PID1: variants seen among roughly 807,000 people sequenced by gnomAD.
PID1 encodes the protein PTB-containing, cubilin and LRP1-interacting protein.
PID1 carries 10 observed loss-of-function variants against 19.1 expected under a neutral mutation model. That is an observed-to-expected ratio of 0.52 (90% CI 0.32 to 0.89). The LOEUF is 0.89. PID1 is among the 40% of genes least tolerant of loss of function. The probability of loss-of-function intolerance (pLI) is 0.03; values close to 1 mark genes in which losing one functional copy is unlikely to be tolerated. For synonymous variants in PID1, 130 were observed against 116.0 expected (o/e 1.12, Z -0.78); for missense variants, 248 against 285.3 (o/e 0.87, Z 0.94).
intron 2 of PID1, among the ~76,000 whole-genome samples, chr2:229,139,146 A>AAAGAAAGAAAGAAAGC (rs1293626727): frequency 2.8e-5 from 3 of 109,032 alleles, no homozygotes; most frequent in South Asian, 4.5e-4. Context: ...AGAAAGAAAG[A>AAAGAAAGAAAGAAAGC]AAGCAAGCGA....
chr2:229,244,104 T>C (rs766323534), intron 1 of PID1, among the ~76,000 whole-genome samples: 17 of 152,294 alleles, frequency 1.1e-4, no homozygotes, highest in African/African-American at 3.8e-4. Flanking sequence ...ACTAGCATTA[T>C]GTAAACAAAA....
chr2:229,258,217 C>A (rs1690356119), intron 1 of PID1, among the ~76,000 whole-genome samples: 1 of 152,140 alleles, frequency 6.6e-6, no homozygotes. Flanking sequence ...AGAAACAGGG[C>A]CATCCAGAAT....
chr2:229,130,730 A>G (rs189434720), intron 2 of PID1, among the ~76,000 whole-genome samples: 24 of 152,342 alleles, frequency 1.6e-4, no homozygotes, highest in Non-Finnish European at 2.8e-4. Flanking sequence ...GATACAAAGC[A>G]GATGCCCCCA....
intron 2 of PID1, among the ~76,000 whole-genome samples, chr2:229,144,803 TGAAA>T (rs1690092486): frequency 6.6e-6 from 1 of 152,070 alleles, no homozygotes; most frequent in Non-Finnish European, 1.5e-5. Flanking sequence ...GCAGAAGGGA[TGAAA>T]GAGACAGCTA....
intron 1 of PID1, among the ~76,000 whole-genome samples, chr2:229,193,327 A>G (rs753243023): frequency 6.6e-6 from 1 of 152,192 alleles, no homozygotes; most frequent in African/African-American, 2.4e-5. Context: ...GACTTTGTTC[A>G]TGGTGGCTCA....
chr2:229,172,627 C>G (rs1376512650), intron 1 of PID1, among the ~76,000 whole-genome samples: 4 of 152,176 alleles, frequency 2.6e-5, no homozygotes, highest in Non-Finnish European at 5.9e-5. Flanking sequence ...CCCTAATGAT[C>G]TCATTGTAAT....
At chr2:229,209,955 A>G (rs1391342774) in intron 1 of PID1, among the ~76,000 whole-genome samples, 1 of 152,192 alleles carries the variant, frequency 6.6e-6, no homozygotes, top group Non-Finnish European at 1.5e-5. Context: ...ATTACCAAGG[A>G]AAATGAACAT....
intron 2 of PID1, among the ~76,000 whole-genome samples, chr2:229,074,337 A>C (rs978378122): frequency 1.3e-5 from 2 of 152,184 alleles, no homozygotes; most frequent in African/African-American, 4.8e-5. Flanking sequence ...AAAAGATAAT[A>C]ATAAAAGAAG....
At chr2:229,051,987 G>A (rs1028725149) in intron 2 of PID1, among the ~76,000 whole-genome samples, 1 of 152,172 alleles carries the variant, frequency 6.6e-6, no homozygotes, top group Non-Finnish European at 1.5e-5. Context: ...TTGGTCCCCA[G>A]CTCAACTGAA....
At chr2:229,167,175 T>C (rs951852287) in intron 1 of PID1, among the ~76,000 whole-genome samples, 2 of 152,122 alleles carry the variant, frequency 1.3e-5, no homozygotes, top group Non-Finnish European at 2.9e-5. Context: ...TTGCAAACAC[T>C]ATAGCAATGT....
intron 2 of PID1, among the ~76,000 whole-genome samples, chr2:229,048,367 G>A (rs1052976347): frequency 3.3e-5 from 5 of 152,124 alleles, no homozygotes; most frequent in Admixed American, 6.5e-5. Flanking sequence ...ACAAAATGCT[G>A]CACTTGGCCC....
At position 229,035,454 on chromosome 2, in the gene PID1, C is replaced by G. The variant is rs201663875; in HGVS notation, c.178-9346G>C. On this transcript the variant is annotated intron_variant, in intron 2 of 2. Coordinates refer to ENST00000392055, the MANE Select transcript of PID1 (RefSeq NM_001100818.2). ...TCTCTCTCTCTCTCCCTCTCCACCC[C>G]CCTCCTTCCCTCTACTCACACACAT... is the stretch of plus-strand genomic sequence containing the variant. Among the ~76,000 whole-genome samples, 11 of 152,112 alleles carry G rather than the reference C, an allele frequency of 7.2e-5. No individual in the cohort carries two copies. In the East Asian group the frequency reaches 2.1e-3, roughly 30 times the overall value.
chr2:229,261,813 G>A (rs1690467568), intron 1 of PID1, among the ~76,000 whole-genome samples: 1 of 152,098 alleles, frequency 6.6e-6, no homozygotes. Context: ...TCGTCTCAGA[G>A]GGACTGGAAA....
intron 2 of PID1, among the ~76,000 whole-genome samples, chr2:229,047,354 G>C (rs189982682): frequency 2.0e-5 from 3 of 152,314 alleles, no homozygotes; most frequent in African/African-American, 7.2e-5. Flanking sequence ...AGAAAGCCTA[G>C]TTCAGCCAGG....
Position 229,054,040 on chromosome 2 carries a change from A to G in PID1, c.178-27932T>C, listed in dbSNP as rs1233531612. ...AAGACTGGATCATTACAGAGTGGGA[A>G]GTATATAACAGGTGGCTTTTATATG... On this transcript the variant is annotated intron_variant, in intron 2 of 2. Coordinates refer to ENST00000392055, the MANE Select transcript of PID1 (RefSeq NM_001100818.2). 3.3e-5 allele frequency among the ~76,000 whole-genome samples: 5 copies of G among 152,364 alleles called. No homozygotes were observed. The East Asian group carries it at 9.6e-4, about 29-fold the overall frequency.
At chr2:229,113,509 C>CATATATATAT (rs3067619) in intron 2 of PID1, among the ~76,000 whole-genome samples, 87 of 138,188 alleles carry the variant, frequency 6.3e-4, no homozygotes, top group African/African-American at 2.0e-3. Context: ...TGTGTGTATA[C>CATATATATAT]ATATATATAT....
At chr2:229,216,651 G>T (rs541186909) in intron 1 of PID1, among the ~76,000 whole-genome samples, 1 of 151,968 alleles carries the variant, frequency 6.6e-6, no homozygotes, top group African/African-American at 2.4e-5. Context: ...AAACTATACA[G>T]GTTTTTACAA....
chr2:229,151,548 CTG>C (rs1690251992), intron 2 of PID1, among the ~76,000 whole-genome samples: 1 of 151,426 alleles, frequency 6.6e-6, no homozygotes, highest in Non-Finnish European at 1.5e-5. Flanking sequence ...ATTGTCAGTT[CTG>C]TGTTATTAAG....
intron 1 of PID1, among the ~76,000 whole-genome samples, chr2:229,260,533 T>C (rs897614115): frequency 1.3e-5 from 2 of 151,132 alleles, no homozygotes; most frequent in African/African-American, 4.9e-5. Context: ...TACATATATA[T>C]AATTGAAATT....
Sources: gnomAD v4.1 joint callset for allele counts (sites outside exome capture counted in the v4.1 genomes callset) on GRCh38, gnomAD v4.1.1 for gene constraint, MANE v1.5 for transcripts, NCBI Gene and HGNC (gene_info 2026-07-23, HGNC 2026-07-21) for gene names.